Variants in URB1 observed in about 807,000 individuals in gnomAD.
The protein encoded by URB1 is URB1 ribosome biogenesis factor, also known as nucleolar pre-ribosomal-associated protein 1.
In URB1, 197 loss-of-function variants were observed where a neutral mutation model predicts 242.3. That is an observed-to-expected ratio of 0.81 (90% CI 0.72 to 0.91). The LOEUF (loss-of-function observed/expected upper bound fraction) is 0.91, where lower values mean the gene tolerates loss of function less well. Among genes scored for constraint, URB1 ranks in the 40% least tolerant of loss-of-function variants. URB1 has a pLI of 0.00. For synonymous variants in URB1, 1,153 were observed against 1,201.8 expected (o/e 0.96, Z 0.84); for missense variants, 2,721 against 2,860.5 (o/e 0.95, Z 1.11).
At chr21:32,383,332 G>A in intron 4 of URB1, 90 bp downstream of exon 4, 1 of 1,408,136 alleles carries the variant, frequency 7.1e-7, no homozygotes, top group East Asian at 2.6e-5. Context: ...ATCTGTGTGG[G>A]GATCAGGGGC....
chr21:32,328,585 C>T (rs1329240498), intron 30 of URB1, among the ~76,000 whole-genome samples: 2 of 152,108 alleles, frequency 1.3e-5, no homozygotes, highest in Non-Finnish European at 1.5e-5. Context: ...AAGTACATAA[C>T]AAATATAGGT....
At chr21:32,354,790 A>C in intron 17 of URB1, 69 bp downstream of exon 17, 1 of 1,509,080 alleles carries the variant, frequency 6.6e-7, no homozygotes, top group Non-Finnish European at 8.9e-7. Context: ...TCTTGTTCTC[A>C]ATCTCTTAAC....
intron 19 of URB1, among the ~76,000 whole-genome samples, chr21:32,352,285 C>G (rs1254491237): frequency 6.6e-6 from 1 of 152,156 alleles, no homozygotes; most frequent in Admixed American, 6.5e-5. Context: ...CCAACTTTAA[C>G]AGAAGAGACC....
chr21:32,388,542 G>A (rs367881096), intron 1 of URB1, among the ~76,000 whole-genome samples: 1 of 152,218 alleles, frequency 6.6e-6, no homozygotes, highest in African/African-American at 2.4e-5. Context: ...CTGAGCTTCG[G>A]GGCCAGACTC....
chr21:32,388,214 T>C (rs2033603059), intron 1 of URB1, among the ~76,000 whole-genome samples: 1 of 152,202 alleles, frequency 6.6e-6, no homozygotes, highest in Non-Finnish European at 1.5e-5. Flanking sequence ...AGTAAGGCAC[T>C]GAACTCTGAG....
intron 36 of URB1, 82 bp from the exon 37 acceptor site, chr21:32,317,999 C>T (rs2032715003): frequency 6.6e-7 from 1 of 1,507,552 alleles, no homozygotes; most frequent in African/African-American, 1.4e-5. Context: ...CTGACGACAT[C>T]ACACACCCAG....
rs769654409 is a variant in URB1, at chr21:32,361,918, G to A, written c.1613C>T (p.Pro538Leu). 43 of 1,551,136 alleles carry A rather than the reference G, an allele frequency of 2.8e-5. No individual in the cohort carries two copies. The highest frequency in any genetic ancestry group is 5.9e-5 in the South Asian group (5 of 84,044). ...GCACTGGTGAGCATCGCAGGCAGCC[G>A]GGGGCCCATCGCTCCTTTTCTGCCC... ...KKGQKRSDGP[P>L]AACDAHQCDD... Residue 538 changes from proline (P) to leucine (L), a missense_variant, in exon 12 of 39, where the codon CCG (proline) becomes CTG (leucine). Pro to Leu is a moderately conservative substitution (Grantham distance 98). Coordinates refer to ENST00000382751, the MANE Select transcript of URB1 (RefSeq NM_014825.3).
Position 32,319,247 on chromosome 21 carries a change from T to C in URB1, c.5762A>G (p.Tyr1921Cys), listed in dbSNP as rs1171070865. Reference protein sequence around the residue: ...LALHLVNEFLYVLIVLMKHLR... With the variant: ...LALHLVNEFLCVLIVLMKHLR... Reference sequence around the variant, plus strand: ...GTGCTTCATGAGCACGATGAGAACATAAAGGAACTCATTGACCAGGTGCAG... The same window carrying C: ...GTGCTTCATGAGCACGATGAGAACACAAAGGAACTCATTGACCAGGTGCAG... The change falls in exon 36 of 39, where the codon TAT (tyrosine) becomes TGT (cysteine). Residue 1921 changes from tyrosine to cysteine, a missense_variant. Transcript: ENST00000382751. The C allele has an allele frequency of 6.4e-7, 1 of 1,551,018 alleles. No individual in the cohort carries two copies. Among genetic ancestry groups the C allele is most frequent in the Non-Finnish European group, 8.7e-7 (1 of 1,146,736 alleles).
intron 18 of URB1, among the ~76,000 whole-genome samples, chr21:32,353,530 T>C (rs963501642): frequency 6.6e-5 from 10 of 152,166 alleles, no homozygotes; most frequent in African/African-American, 2.4e-4. Flanking sequence ...AAGCCTGAGT[T>C]CTCCCAACCA....
intron 22 of URB1, among the ~76,000 whole-genome samples, chr21:32,345,922 G>A (rs1394667673): frequency 6.6e-6 from 1 of 152,184 alleles, no homozygotes; most frequent in African/African-American, 2.4e-5. Context: ...GGAATAGGGA[G>A]GGTAGCTGCT....
At chr21:32,331,815 C>T (rs2032896238) in intron 30 of URB1, among the ~76,000 whole-genome samples, 1 of 152,222 alleles carries the variant, frequency 6.6e-6, no homozygotes, top group African/African-American at 2.4e-5. Flanking sequence ...GAAAGAGGAG[C>T]CCCAAATCCC....
At chr21:32,337,643 G>A in intron 26 of URB1, 129 bp from the exon 27 acceptor site, 1 of 641,696 alleles carries the variant, frequency 1.6e-6, no homozygotes, top group Non-Finnish European at 2.7e-6. Flanking sequence ...CTGGTGTTTG[G>A]ACTGCCATCT....
chr21:32,388,266 T>C (rs770657051), intron 1 of URB1, among the ~76,000 whole-genome samples: 5 of 152,184 alleles, frequency 3.3e-5, no homozygotes, highest in Non-Finnish European at 5.9e-5. Flanking sequence ...GAACAGAACC[T>C]ACCTGACAGG....
In URB1 at chr21:32,321,784, T is replaced by G; in HGVS notation, c.5484+17A>C. 1.3e-6 allele frequency: 2 copies of G among 1,551,014 alleles called. No homozygotes were observed. The highest frequency in any genetic ancestry group is 4.9e-5 in the East Asian group (2 of 40,888). On this transcript the variant is annotated intron_variant, in intron 34 of 38. Coordinates refer to ENST00000382751, the MANE Select transcript of URB1 (RefSeq NM_014825.3). ...ACAGACCTCTCGCTCTCAAATAAGC[T>G]TGCGGAACCCATGTACCTGTGCTGC... is the stretch of plus-strand genomic sequence containing the variant.
chr21:32,384,459 C>T lies in URB1; in HGVS notation c.288G>A (p.Met96Ile). The T allele has an allele frequency of 6.4e-7, 1 of 1,550,646 alleles. No homozygotes were observed. Among genetic ancestry groups the T allele is most frequent in the Non-Finnish European group, 8.7e-7 (1 of 1,146,010 alleles). ...TGGCCTCGAAAACTTGAAATATTAACATCGTCTGCAAAGACAGAATTGAAA... is the reference window on the plus strand; with the variant it reads ...TGGCCTCGAAAACTTGAAATATTAATATCGTCTGCAAAGACAGAATTGAAA... ...SGEKRPESET[M>I]LIFQVFEAIL... is the part of the protein sequence containing the mutation. The change falls in exon 3 of 39, where the codon ATG becomes ATA. Residue 96 changes from methionine (M) to isoleucine (I), a missense_variant. Coordinates refer to ENST00000382751, the MANE Select transcript of URB1 (RefSeq NM_014825.3).
chr21:32,366,699 G>T lies in URB1; in HGVS notation c.1254C>A (p.Pro418=). The T allele has an allele frequency of 1.3e-6, 2 of 1,551,472 alleles. No individual in the cohort carries two copies. The highest frequency in any genetic ancestry group is 1.7e-6 in the Non-Finnish European group (2 of 1,146,848). ...TCACCATTGCCAGGAGCCGAGGCAAGGGTATAAACTCTCTGGTCTGAAATG... is the reference window on the plus strand; with the variant it reads ...TCACCATTGCCAGGAGCCGAGGCAATGGTATAAACTCTCTGGTCTGAAATG... ...SRAFQTREFI[P]LPRLLAMVMV... Residue 418 remains proline, a synonymous_variant, in exon 10 of 39, where the codon CCC becomes CCA. Coordinates refer to ENST00000382751, the MANE Select transcript of URB1 (RefSeq NM_014825.3).
chr21:32,354,985 A>G lies in URB1; in HGVS notation c.2119T>C (p.Leu707=), dbSNP rs1271622409. ...IQFLERILLT[L]VANPYSYTDK... ...GTGTATGAATAGGGATTCGCCACCAATGTCAATAAAATCTGGGCATTAAAG... is the reference window on the plus strand; with the variant it reads ...GTGTATGAATAGGGATTCGCCACCAGTGTCAATAAAATCTGGGCATTAAAG... Residue 707 remains leucine, a synonymous_variant, in exon 17 of 39, where the codon TTG becomes CTG. Coordinates refer to ENST00000382751, the MANE Select transcript of URB1 (RefSeq NM_014825.3). 3 of 1,549,938 alleles carry G rather than the reference A, an allele frequency of 1.9e-6. No homozygotes were observed. The highest frequency in any genetic ancestry group is 1.4e-5 in the African/African-American group (1 of 73,158).
chr21:32,368,584 G>A lies in URB1; in HGVS notation c.1016C>T (p.Thr339Ile). The A allele has an allele frequency of 3.9e-6, 6 of 1,550,598 alleles. No homozygotes were observed. Among genetic ancestry groups the A allele is most frequent in the Non-Finnish European group, 5.2e-6 (6 of 1,146,590 alleles). Residue 339 changes from threonine (T) to isoleucine (I), a missense_variant, in exon 9 of 39, where the codon ACA becomes ATA. Transcript: ENST00000382751. ...CAAACCCAGCAAGAAGTGCAAGAGT[G>A]TCAGGTTTCCGCCTCTGTTAGAGAA... ...LGTFGRGGNLTLLHFLLGLKT... is the reference protein window; with the variant it reads ...LGTFGRGGNLILLHFLLGLKT...
At chr21:32,355,704 G>A in intron 15 of URB1, 139 bp from the exon 16 acceptor site, 1 of 678,580 alleles carries the variant, frequency 1.5e-6, no homozygotes, top group Non-Finnish European at 2.5e-6. Context: ...CGCCTCCCGG[G>A]TTCAAGCAAT....
Sources: allele counts gnomAD v4.1 joint callset (sites outside exome capture counted in the v4.1 genomes callset), GRCh38; gene constraint gnomAD v4.1.1; transcripts MANE v1.5; gene names NCBI Gene and HGNC (gene_info 2026-07-23, HGNC 2026-07-21).